NPAS2: variants seen among roughly 807,000 people sequenced by gnomAD.
The protein encoded by NPAS2 is neuronal PAS domain protein 2, also known as neuronal PAS domain-containing protein 2.
Under a neutral mutation model 107.5 loss-of-function variants are expected in NPAS2, and 23 were observed. The observed-to-expected ratio is 0.21, with a 90% CI of 0.15 to 0.30. The LOEUF (loss-of-function observed/expected upper bound fraction) is 0.30. NPAS2 is among the 10% of genes least tolerant of loss of function. The pLI is 1.00. For missense variants in NPAS2, 756 were observed against 1,043.3 expected (o/e 0.72, Z 3.79); for synonymous variants, 403 against 417.5 (o/e 0.97, Z 0.42).
At chr2:100,909,704 A>G (rs1401652067) in intron 2 of NPAS2, among the ~76,000 whole-genome samples, 1 of 150,886 alleles carries the variant, frequency 6.6e-6, no homozygotes, top group African/African-American at 2.4e-5. Context: ...GGGGGAAAAA[A>G]TGGCAGTAAA....
chr2:100,978,619 T>C (rs1050641976), intron 15 of NPAS2, among the ~76,000 whole-genome samples: 29 of 152,194 alleles, frequency 1.9e-4, no homozygotes, highest in African/African-American at 6.8e-4. Context: ...TGAGTTACTA[T>C]TTGGGTCAGT....
In NPAS2 at chr2:100,990,307, G is replaced by A; in HGVS notation, c.1879G>A (p.Gly627Arg). The change falls in exon 18 of 21, where the codon GGA (glycine) becomes AGA (arginine). Residue 627 changes from glycine (G) to arginine (R), a missense_variant. Physicochemically the swap from Gly to Arg is moderately radical, Grantham distance 125. This residue lies in a region of NPAS2 where 496 missense variants were observed against 594.4 expected (regional missense o/e 0.83). Coordinates refer to ENST00000335681, the MANE Select transcript of NPAS2 (RefSeq NM_002518.4). ...GCTAATGCAGAGCAGCGGCCGCTCT[G>A]GAAGCAGCCTAGTGTCCCCGTTCAG... is the stretch of plus-strand genomic sequence containing the variant. ...SQLMQSSGRSGSSLVSPFSSA... is the reference protein window; with the variant it reads ...SQLMQSSGRSRSSLVSPFSSA... 6.2e-7 allele frequency: 1 copy of A among 1,614,146 alleles called. No homozygotes were observed. The highest frequency in any genetic ancestry group is 8.5e-7 in the Non-Finnish European group (1 of 1,180,016).
chr2:100,977,798 A>G lies in NPAS2; in HGVS notation c.1481A>G (p.Gln494Arg), dbSNP rs1677118847. 6.2e-7 allele frequency: 1 copy of G among 1,613,662 alleles called. No individual in the cohort carries two copies. The highest frequency in any genetic ancestry group is 8.5e-7 in the Non-Finnish European group (1 of 1,179,830). The change falls in exon 15 of 21, where the codon CAG (glutamine) becomes CGG (arginine). Residue 494 changes from glutamine to arginine, a missense_variant and splice_region_variant. By Grantham distance (43) the Gln-to-Arg change is conservative (BLOSUM62 1). Coordinates refer to ENST00000335681, the MANE Select transcript of NPAS2 (RefSeq NM_002518.4). ...CAGAGCACGCCCGCTCCCATGGCAC[A>G]GGTGAGTCTGGGACCCAGGAAAGGG... ...VLQSTPAPMA[Q>R]FSAQFSMFQT... is the part of the protein sequence containing the mutation.
chr2:100,988,979 CCTGCTCCTCCAGGCCCCCA>C (rs755159846), intron 17 of NPAS2: 3,839 of 217,454 alleles, frequency 0.018, 160 homozygotes, highest in African/African-American at 0.097. Context: ...TCCAGGCCCC[CCTGCTCCTCCAGGCCCCCA>C]CTGCTCCTCC....
chr2:100,917,310 T>C (rs1682947667), intron 2 of NPAS2, among the ~76,000 whole-genome samples: 1 of 152,166 alleles, frequency 6.6e-6, no homozygotes, highest in African/African-American at 2.4e-5. Context: ...GGGGATCATT[T>C]GAGGTCAGGA....
Position 100,968,317 on chromosome 2 carries a change from G to A in NPAS2, c.944G>A (p.Arg315Gln), listed in dbSNP as rs1676349327. 1.9e-6 allele frequency: 3 copies of A among 1,614,050 alleles called. No individual in the cohort carries two copies. The highest frequency in any genetic ancestry group is 1.1e-5 in the South Asian group (1 of 91,078). ...GGCAAAGGGAAGTCGTGTTGCTACCGGTTTCTGACCAAAGGTCAGCAGTGG... is the reference window on the plus strand; with the variant it reads ...GGCAAAGGGAAGTCGTGTTGCTACCAGTTTCTGACCAAAGGTCAGCAGTGG... ...QFGKGKSCCY[R>Q]FLTKGQQWIW... The change falls in exon 11 of 21, where the codon CGG becomes CAG. Residue 315 changes from arginine to glutamine, a missense_variant. Arg to Gln is a conservative substitution (Grantham distance 43, BLOSUM62 1). Around this residue, in one of 4 missense-constraint regions of NPAS2, gnomAD observed 84 missense variants for 175.5 expected, o/e 0.48. Coordinates refer to ENST00000335681, the MANE Select transcript of NPAS2 (RefSeq NM_002518.4). This position sits in a 1 kb window ranked among gnomAD's most constrained non-coding sequence, Gnocchi z 5.3.
chr2:100,849,935 G>A (rs1678041143), intron 1 of NPAS2, among the ~76,000 whole-genome samples: 2 of 130,740 alleles, frequency 1.5e-5, no homozygotes, highest in South Asian at 5.2e-4. Context: ...CAAACAAAAT[G>A]TAAAATTTTA....
At chr2:100,991,591 C>T (rs1678134252) in intron 19 of NPAS2, among the ~76,000 whole-genome samples, 1 of 152,224 alleles carries the variant, frequency 6.6e-6, no homozygotes, top group Non-Finnish European at 1.5e-5. Flanking sequence ...AGGCCCCTCT[C>T]CCTAGAAGTC....
At chr2:100,819,091 C>T (rs1419482319), upstream of NPAS2, among the ~76,000 whole-genome samples, 2 of 151,890 alleles carry the variant, frequency 1.3e-5, no homozygotes, top group Non-Finnish European at 2.9e-5. This position sits in a 1 kb window ranked among gnomAD's most constrained non-coding sequence, Gnocchi z 5.8. Flanking sequence ...CTGTTTCTCG[C>T]GCGCGCCTCT....
At chr2:100,843,306 G>A (rs1417288199) in intron 1 of NPAS2, among the ~76,000 whole-genome samples, 1 of 151,886 alleles carries the variant, frequency 6.6e-6, no homozygotes, top group Non-Finnish European at 1.5e-5. Flanking sequence ...TCTGATCAAA[G>A]TCCAAAGTCT....
chr2:100,909,707 G>T (rs1682413836), intron 2 of NPAS2, among the ~76,000 whole-genome samples: 1 of 151,344 alleles, frequency 6.6e-6, no homozygotes, highest in African/African-American at 2.4e-5. Flanking sequence ...GGAAAAAATG[G>T]CAGTAAAACA....
intron 1 of NPAS2, among the ~76,000 whole-genome samples, chr2:100,829,523 C>T (rs1465000515): frequency 6.6e-6 from 1 of 152,120 alleles, no homozygotes; most frequent in Non-Finnish European, 1.5e-5. Context: ...GAAACTTTAT[C>T]GAAGTCATTT....
intron 1 of NPAS2, among the ~76,000 whole-genome samples, chr2:100,903,388 A>T (rs1681915745): frequency 6.6e-6 from 1 of 152,232 alleles, no homozygotes; most frequent in African/African-American, 2.4e-5. Context: ...TTGCTAGTCC[A>T]TTGTGGAATA....
chr2:100,929,733 A>G (rs1398422115), intron 3 of NPAS2, among the ~76,000 whole-genome samples: 1 of 152,128 alleles, frequency 6.6e-6, no homozygotes, highest in African/African-American at 2.4e-5. Context: ...TCACCAGCAG[A>G]TGGCTAGGTA....
At chr2:100,978,793 G>T (rs1677208468) in intron 15 of NPAS2, among the ~76,000 whole-genome samples, 1 of 152,250 alleles carries the variant, frequency 6.6e-6, no homozygotes, top group Non-Finnish European at 1.5e-5. Context: ...GTCTGACGTG[G>T]CTTCCTGGAG....
intron 12 of NPAS2, among the ~76,000 whole-genome samples, chr2:100,971,654 T>G (rs1024071410): frequency 3.3e-5 from 5 of 152,198 alleles, no homozygotes; most frequent in African/African-American, 1.2e-4. Context: ...CGAGCCCTGC[T>G]GTAGAAAGGC....
chr2:100,826,214 C>A (rs1338196328), intron 1 of NPAS2, among the ~76,000 whole-genome samples: 1 of 152,110 alleles, frequency 6.6e-6, no homozygotes, highest in African/African-American at 2.4e-5. Context: ...GAGGCCGAGG[C>A]GGGCGGATCA....
intron 8 of NPAS2, 88 bp downstream of exon 8, chr2:100,964,264 A>C: frequency 1.1e-6 from 1 of 918,774 alleles, no homozygotes; most frequent in South Asian, 1.4e-5. Context: ...TTTGGGAGGG[A>C]ATAAATTGCA....
At chr2:100,879,067 C>T (rs1032038942) in intron 1 of NPAS2, among the ~76,000 whole-genome samples, 5 of 150,714 alleles carry the variant, frequency 3.3e-5, no homozygotes, top group African/African-American at 1.2e-4. Flanking sequence ...GAGCGGAGAT[C>T]GCACCACTGT....
Sources: gnomAD v4.1 joint callset for allele counts (sites outside exome capture counted in the v4.1 genomes callset) on GRCh38, gnomAD v4.1.1 for gene constraint, gnomAD v4.1.1 regional missense constraint, Gnocchi (gnomAD v3.1) non-coding constraint, MANE v1.5 for transcripts, NCBI Gene and HGNC (gene_info 2026-07-23, HGNC 2026-07-21) for gene names.